DYNC1I2: variants seen among roughly 807,000 people sequenced by gnomAD.
The protein encoded by DYNC1I2 is dynein cytoplasmic 1 intermediate chain 2.
Under a neutral mutation model 88.6 loss-of-function variants are expected in DYNC1I2, and 53 were observed. The ratio of observed to expected loss-of-function variants is 0.60; its 90% CI spans 0.48 to 0.75. The LOEUF is 0.75. Among genes scored for constraint, DYNC1I2 ranks in the 30% least tolerant of loss-of-function variants. The pLI, the probability that DYNC1I2 is intolerant of heterozygous loss-of-function variation, is 0.00. For missense variants in DYNC1I2, 458 were observed against 766.6 expected, an observed-to-expected ratio of 0.60 and a Z score of 4.75; for synonymous variants, 198 against 254.6, an observed-to-expected ratio of 0.78 and a Z score of 2.12.
At chr2:171,693,143 A>G (rs1018987672) in intron 3 of DYNC1I2, 34 of 407,170 alleles carry the variant, frequency 8.4e-5, no homozygotes, top group African/African-American at 6.7e-4. Flanking sequence ...TTAAATCAGT[A>G]ATTTATTTCA....
Position 171,694,448 on chromosome 2 carries a change from G to A in DYNC1I2, c.226+1554G>A, listed in dbSNP as rs1002180819. On this transcript the variant is annotated intron_variant, in intron 3 of 17. Transcript: ENST00000397119. ...CGAGGTGGGCGGATCACCTGAGGTC[G>A]GGAGTTCAAGACTAGCCTGACCAAC... Among the ~76,000 whole-genome samples the A allele has an allele frequency of 2.0e-5, 3 of 152,072 alleles. No individual in the cohort carries two copies. In the South Asian group the frequency reaches 6.2e-4, roughly 32 times the overall value.
chr2:171,714,041 G>A (rs1006822472), intron 6 of DYNC1I2, among the ~76,000 whole-genome samples: 3 of 152,070 alleles, frequency 2.0e-5, no homozygotes, highest in African/African-American at 7.2e-5. Context: ...TTGGCTTGAC[G>A]ATTTTTTTCC....
chr2:171,743,267 T>C (rs1689569110), intron 15 of DYNC1I2, among the ~76,000 whole-genome samples: 2 of 152,326 alleles, frequency 1.3e-5, no homozygotes, highest in Admixed American at 1.3e-4. Context: ...TTCATCCTTA[T>C]CATCTTCACA....
At chr2:171,746,048 G>T in intron 17 of DYNC1I2, 121 bp downstream of exon 17, 1 of 999,680 alleles carries the variant, frequency 1.0e-6, no homozygotes, top group Non-Finnish European at 1.4e-6. Context: ...TGGTTGTAAA[G>T]ATAAAACTTA....
intron 16 of DYNC1I2, 36 bp downstream of exon 16, chr2:171,744,225 T>A: frequency 6.4e-7 from 1 of 1,556,808 alleles, no homozygotes; most frequent in Non-Finnish European, 8.7e-7. Context: ...CATTGAAAAA[T>A]AGAAAATTGG....
rs988188257 is a variant in DYNC1I2 at position 171,717,274 on chromosome 2, C to T, written c.511+1831C>T. Among the ~76,000 whole-genome samples the T allele has an allele frequency of 4.6e-5, 7 of 151,634 alleles. No individual in the cohort carries two copies. In the East Asian group the frequency reaches 5.8e-4, roughly 13 times the overall value. On this transcript the variant is annotated intron_variant, in intron 7 of 17. Coordinates refer to ENST00000397119, the MANE Select transcript of DYNC1I2 (RefSeq NM_001378.3). ...GATTACAGGCGCCTGCCACCACGCC[C>T]GGCTAATTTTTTGTATTTTTAGTAG...
At chr2:171,743,312 G>C (rs1689572504) in intron 15 of DYNC1I2, among the ~76,000 whole-genome samples, 1 of 152,094 alleles carries the variant, frequency 6.6e-6, no homozygotes, top group African/African-American at 2.4e-5. Context: ...AAAGAGGAAG[G>C]GTTGGTTGTG....
In DYNC1I2 at chr2:171,726,008, G is replaced by A. The variant is rs761607408; in HGVS notation, c.697G>A (p.Val233Ile). 5.4e-5 allele frequency: 86 copies of A among 1,595,740 alleles called. No individual in the cohort carries two copies. Among genetic ancestry groups the A allele is most frequent in the Admixed American group, 7.3e-5 (4 of 54,534 alleles). Reference sequence around the variant, plus strand: ...TTTCTTTGACCATTCTACAAGAATTGTAGAAAGAGCTCTTTCTGAGCAGAT... The same window carrying A: ...TTTCTTTGACCATTCTACAAGAATTATAGAAAGAGCTCTTTCTGAGCAGAT... ...LSFFDHSTRI[V>I]ERALSEQINI... The change falls in exon 9 of 18, where the codon GTA becomes ATA. Residue 233 changes from valine to isoleucine, a missense_variant. This residue lies in a region of DYNC1I2 where 203 missense variants were observed against 354.2 expected (regional missense o/e 0.57). Transcript: ENST00000397119.
chr2:171,731,128 G>C (rs1250030918), intron 15 of DYNC1I2, among the ~76,000 whole-genome samples: 1 of 152,208 alleles, frequency 6.6e-6, no homozygotes. Flanking sequence ...TCTTAATGGG[G>C]ATCGGACAGA....
At chr2:171,742,453 T>C in intron 15 of DYNC1I2, among the ~76,000 whole-genome samples, 1 of 152,240 alleles carries the variant, frequency 6.6e-6, no homozygotes, top group East Asian at 1.9e-4. Context: ...ATTACAGGCA[T>C]GAGCCATGGC....
At chr2:171,707,086 A>T (rs1686735711) in intron 4 of DYNC1I2, 1 of 713,392 alleles carries the variant, frequency 1.4e-6, no homozygotes, top group Non-Finnish European at 2.3e-6. Flanking sequence ...AAATTGCATG[A>T]ATCTTCAGCA....
intron 3 of DYNC1I2, 144 bp from the exon 4 acceptor site, chr2:171,706,403 A>C: frequency 1.4e-6 from 1 of 690,094 alleles, no homozygotes; most frequent in South Asian, 1.7e-5. Flanking sequence ...GTGCACGTTC[A>C]GCTGTTGTTA....
At position 171,729,697 on chromosome 2, in the gene DYNC1I2, T is replaced by C. The variant is rs748971122; in HGVS notation, c.1392-12T>C. 6.2e-6 allele frequency: 10 copies of C among 1,611,760 alleles called. No individual in the cohort carries two copies. Among genetic ancestry groups the C allele is most frequent in the Admixed American group, 3.3e-5 (2 of 59,948 alleles). ...GGAGACTTCTCTAACATTTTCACTT[T>C]TATGAAATTAGCAAAGCTGGAATCA... On this transcript the variant is annotated splice_polypyrimidine_tract_variant and intron_variant, in intron 14 of 17. Coordinates refer to ENST00000397119, the MANE Select transcript of DYNC1I2 (RefSeq NM_001378.3).
intron 1 of DYNC1I2, chr2:171,688,571 A>G (rs973385918): frequency 6.6e-6 from 1 of 152,222 alleles, no homozygotes; most frequent in Admixed American, 6.5e-5. Flanking sequence ...AGGTGTAGAA[A>G]GAGTGGAATA....
intron 7 of DYNC1I2, among the ~76,000 whole-genome samples, chr2:171,721,240 G>A (rs903162744): frequency 3.3e-5 from 5 of 150,710 alleles, no homozygotes; most frequent in African/African-American, 9.8e-5. Context: ...CATTACATCT[G>A]TATTGAAATC....
At chr2:171,734,571 C>T (rs1055987790) in intron 15 of DYNC1I2, among the ~76,000 whole-genome samples, 1 of 152,174 alleles carries the variant, frequency 6.6e-6, no homozygotes, top group Admixed American at 6.5e-5. Context: ...AACATCCCTC[C>T]AGTGTTACTG....
chr2:171,716,786 A>G (rs962631994), intron 7 of DYNC1I2, among the ~76,000 whole-genome samples: 1 of 151,978 alleles, frequency 6.6e-6, no homozygotes, highest in African/African-American at 2.4e-5. Flanking sequence ...GGTGCCTGTA[A>G]TCCCAACTAC....
intron 15 of DYNC1I2, among the ~76,000 whole-genome samples, chr2:171,742,858 T>C (rs143407999): frequency 1.3e-5 from 2 of 152,328 alleles, no homozygotes; most frequent in Admixed American, 1.3e-4. Flanking sequence ...TTCTCTTCTG[T>C]GAGACTTTGT....
chr2:171,725,711 A>C lies in DYNC1I2; in HGVS notation c.605A>C (p.Lys202Thr), dbSNP rs1688205655. The change falls in exon 8 of 18, where the codon AAA becomes ACA. Residue 202 changes from lysine to threonine, a missense_variant and splice_region_variant. Coordinates refer to ENST00000397119, the MANE Select transcript of DYNC1I2 (RefSeq NM_001378.3). ...TLKKDEENDS[K>T]APPHELTEEE... ...AAGAAAGATGAGGAAAATGATAGTAAAGGTATCTTAAGGAATTAAACTTTA... is the reference window on the plus strand; with the variant it reads ...AAGAAAGATGAGGAAAATGATAGTACAGGTATCTTAAGGAATTAAACTTTA... 5.2e-6 allele frequency: 8 copies of C among 1,529,024 alleles called. No homozygotes were observed. Among genetic ancestry groups the C allele is most frequent in the Non-Finnish European group, 5.3e-6 (6 of 1,131,744 alleles). 94.7% of individuals were successfully genotyped at this position (1,529,024 alleles called of 1,614,324 possible). A position where few individuals can be genotyped will look rare whatever the true frequency, so the allele number is the denominator to read the frequency against.
Sources: gnomAD v4.1 joint callset for allele counts (sites outside exome capture counted in the v4.1 genomes callset) on GRCh38, gnomAD v4.1.1 for gene constraint, gnomAD v4.1.1 regional missense constraint, MANE v1.5 for transcripts, NCBI Gene and HGNC (gene_info 2026-07-23, HGNC 2026-07-21) for gene names.